FCGR1A: variants seen among roughly 807,000 people sequenced by gnomAD.
The protein encoded by FCGR1A is high affinity immunoglobulin gamma Fc receptor I.
FCGR1A carries 13 observed loss-of-function variants against 35.0 expected under a neutral mutation model. That is an observed-to-expected ratio of 0.37 (90% CI 0.24 to 0.59). The LOEUF is 0.59. Among genes scored for constraint, FCGR1A ranks in the 20% least tolerant of loss-of-function variants. FCGR1A has a pLI of 0.71. For synonymous variants in FCGR1A, 91 were observed against 164.7 expected (o/e 0.55, Z 3.43); for missense variants, 227 against 430.0 (o/e 0.53, Z 4.17).
Position 149,784,072 on chromosome 1 carries a change from T to G in FCGR1A, c.122T>G (p.Leu41Trp), listed in dbSNP as rs782357137. The G allele has an allele frequency of 5.6e-6, 9 of 1,611,248 alleles. No homozygotes were observed. In the South Asian group the frequency reaches 7.7e-5, roughly 14 times the overall value. ...VSVFQEETVT[L>W]HCEVLHLPGS... ...GTGTTCCAAGAGGAAACCGTAACCTTGCACTGTGAGGTGCTCCATCTGCCT... is the reference window on the plus strand; with the variant it reads ...GTGTTCCAAGAGGAAACCGTAACCTGGCACTGTGAGGTGCTCCATCTGCCT... Residue 41 changes from leucine (L) to tryptophan (W), a missense_variant, in exon 3 of 6, where the codon TTG becomes TGG. Coordinates refer to ENST00000369168, the MANE Select transcript of FCGR1A (RefSeq NM_000566.4).
rs1350706489 is a variant in FCGR1A, at chr1:149,790,236, C to T, written c.742C>T (p.Leu248=). Residue 248 remains leucine, a synonymous_variant, in exon 5 of 6, where the codon CTA becomes TTA. Transcript: ENST00000369168. ...GRNTSSEYQI[L]TARREDSGLY... Reference sequence around the variant, plus strand: ...GAACACATCCTCTGAATACCAAATACTAACTGCTAGAAGAGAAGACTCTGG... The same window carrying T: ...GAACACATCCTCTGAATACCAAATATTAACTGCTAGAAGAGAAGACTCTGG... The T allele has an allele frequency of 1.2e-5, 20 of 1,610,778 alleles. No individual in the cohort carries two copies. Among genetic ancestry groups the T allele is most frequent in the Non-Finnish European group, 1.7e-5 (20 of 1,178,568 alleles).
At position 149,788,509 on chromosome 1, in the gene FCGR1A, T is replaced by G; in HGVS notation, c.451T>G (p.Ser151Ala). Residue 151 changes from serine (S) to alanine (A), a missense_variant, in exon 4 of 6, where the codon TCT becomes GCT. Transcript: ENST00000369168. ...AGCCTTTAAGTTTTTCCACTGGAAT[T>G]CTAACCTCACCATTCTGAAAACCAA... is the stretch of plus-strand genomic sequence containing the variant. Reference protein sequence around the residue: ...GKAFKFFHWNSNLTILKTNIS... With the variant: ...GKAFKFFHWNANLTILKTNIS... 1 of 1,613,814 alleles carries G rather than the reference T, an allele frequency of 6.2e-7. No homozygotes were observed. Among genetic ancestry groups the G allele is most frequent in the Non-Finnish European group, 8.5e-7 (1 of 1,179,802 alleles).
chr1:149,784,261 A>C lies in FCGR1A; in HGVS notation c.307+4A>C, dbSNP rs1553750542. ...ATACAGCTGGAAATCCACAGAGGTAATTATGACTTGGACCAGGAGGGCCGG... is the reference window on the plus strand; with the variant it reads ...ATACAGCTGGAAATCCACAGAGGTACTTATGACTTGGACCAGGAGGGCCGG... On this transcript the variant is annotated splice_donor_region_variant and intron_variant, in intron 3 of 5. Coordinates refer to ENST00000369168, the MANE Select transcript of FCGR1A (RefSeq NM_000566.4). The C allele has an allele frequency of 5.0e-6, 8 of 1,611,128 alleles. No homozygotes were observed. In the Admixed American group the frequency reaches 1.2e-4, roughly 23 times the overall value.
chr1:149,785,554 A>G (rs1553750733), intron 3 of FCGR1A: 1 of 151,042 alleles, frequency 6.6e-6, no homozygotes, highest in African/African-American at 2.4e-5. Context: ...GAAGTGTTTC[A>G]TGGTTCAAGT....
At chr1:149,795,439 C>T (rs1571406845), downstream of FCGR1A, among the ~76,000 whole-genome samples, 2 of 91,694 alleles carry the variant, frequency 2.2e-5, no homozygotes, top group Admixed American at 2.5e-4. Flanking sequence ...AACAAGTTTT[C>T]CTCTGCCTAG....
chr1:149,787,403 T>C (rs1265189163), intron 3 of FCGR1A: 2 of 152,238 alleles, frequency 1.3e-5, no homozygotes, highest in African/African-American at 4.8e-5. Context: ...TAGAGGTGTA[T>C]GTCGAAAGGA....
chr1:149,792,879 C>T (rs1171521881), downstream of FCGR1A: 1 of 1,205,042 alleles, frequency 8.3e-7, no homozygotes, highest in Non-Finnish European at 1.0e-6. Context: ...TCGCCCGAGT[C>T]AAGGGGCGGC....
downstream of FCGR1A, chr1:149,793,291 C>G: frequency 1.4e-5 from 17 of 1,199,162 alleles, no homozygotes; most frequent in Non-Finnish European, 1.7e-5. Flanking sequence ...CGCCCGCCTC[C>G]CCGTCCAGCT....
chr1:149,785,296 A>C (rs2091511191), intron 3 of FCGR1A, among the ~76,000 whole-genome samples: 1 of 151,920 alleles, frequency 6.6e-6, no homozygotes, highest in Non-Finnish European at 1.5e-5. Flanking sequence ...GTTTTAGCCA[A>C]GGAAATGTTG....
Position 149,788,542 on chromosome 1 carries a change from C to T in FCGR1A, c.484C>T (p.His162Tyr), listed in dbSNP as rs868934687. 5.0e-6 allele frequency: 8 copies of T among 1,613,760 alleles called. No homozygotes were observed. The highest frequency in any genetic ancestry group is 6.8e-6 in the Non-Finnish European group (8 of 1,179,858). Residue 162 changes from histidine (H) to tyrosine (Y), a missense_variant, in exon 4 of 6, where the codon CAC becomes TAC. Coordinates refer to ENST00000369168, the MANE Select transcript of FCGR1A (RefSeq NM_000566.4). ...NLTILKTNIS[H>Y]NGTYHCSGMG... ...CACCATTCTGAAAACCAACATAAGT[C>T]ACAATGGCACCTACCATTGCTCAGG...
the FCGR1A span, among the ~76,000 whole-genome samples, chr1:149,800,575 A>G: frequency 0.2 from 28,139 of 140,530 alleles, 3,592 homozygotes; most frequent in East Asian, 0.41. Context: ...ATGTCAGGAA[A>G]TGGGGTTGAA....
chr1:149,784,701 TATATATATATATATATATACACAC>T (rs2091494040), intron 3 of FCGR1A, among the ~76,000 whole-genome samples: 2 of 3,806 alleles, frequency 5.3e-4, no homozygotes, highest in Non-Finnish European at 1.5e-3. Flanking sequence ...ATATATAAAC[TATATATATATATATATATACACAC>T]ATATATATAG....
At chr1:149,796,570 C>G (rs376977853), downstream of FCGR1A, among the ~76,000 whole-genome samples, 5 of 152,254 alleles carry the variant, frequency 3.3e-5, no homozygotes, top group East Asian at 5.8e-4. Flanking sequence ...TAATCATTTT[C>G]TACCTTGAAT....
chr1:149,793,524 T>C (rs1426125753), downstream of FCGR1A, among the ~76,000 whole-genome samples: 1 of 152,072 alleles, frequency 6.6e-6, no homozygotes, highest in Non-Finnish European at 1.5e-5. Context: ...CTGATGCAGC[T>C]GGCGGGGAGA....
Position 149,790,491 on chromosome 1 carries a change from C to T in FCGR1A, c.844+153C>T, listed in dbSNP as rs2091679268. 8.6e-6 allele frequency: 11 copies of T among 1,279,682 alleles called. 1 individual carries two copies. In the South Asian group the frequency reaches 1.5e-4, roughly 18 times the overall value. 79.3% of individuals were successfully genotyped at this position (1,279,682 alleles called of 1,614,324 possible). ...AGCAGGCCTTTCCATCCTTGATTCA[C>T]AACATCACTCTTCTCCTCGCAAACT... On this transcript the variant is annotated intron_variant, in intron 5 of 5. Transcript: ENST00000369168.
At chr1:149,792,345 T>C (rs1396613869), downstream of FCGR1A, 2 of 298,434 alleles carry the variant, frequency 6.7e-6, no homozygotes, top group Non-Finnish European at 1.1e-5. Flanking sequence ...TTGCTTTACC[T>C]TCCTGATTTT....
the FCGR1A span, among the ~76,000 whole-genome samples, chr1:149,797,670 T>A: frequency 6.6e-6 from 1 of 152,200 alleles, no homozygotes; most frequent in Admixed American, 6.5e-5. Context: ...TGATCTCAAC[T>A]CACTGTAACC....
At chr1:149,788,289 G>A in intron 3 of FCGR1A, 77 bp from the exon 4 acceptor site, 5 of 1,609,852 alleles carry the variant, frequency 3.1e-6, no homozygotes, top group Non-Finnish European at 4.2e-6. Flanking sequence ...GAAAAAATAG[G>A]AAGCCCACAG....
At chr1:149,793,112 C>T (rs782559755), downstream of FCGR1A, 1 of 1,273,778 alleles carries the variant, frequency 7.9e-7, no homozygotes, top group Admixed American at 2.4e-5. Context: ...GGGATGCTGC[C>T]GGCCTCAGGT....
Sources: allele counts gnomAD v4.1 joint callset (sites outside exome capture counted in the v4.1 genomes callset), GRCh38; gene constraint gnomAD v4.1.1; transcripts MANE v1.5; gene names NCBI Gene and HGNC (gene_info 2026-07-23, HGNC 2026-07-21).